Variants in TDP2 observed in about 807,000 individuals in gnomAD.
TDP2 encodes tyrosyl-DNA phosphodiesterase 2, also known as 5'-Tyr-DNA phosphodiesterase.
Under a neutral mutation model 42.8 loss-of-function variants are expected in TDP2, and 38 were observed. That is an observed-to-expected ratio of 0.89 (90% CI 0.68 to 1.16). TDP2 has a LOEUF of 1.16. Ranked by LOEUF, TDP2 falls within the 50% of genes most tolerant of loss-of-function variation. The probability of loss-of-function intolerance (pLI) is 0.00; values close to 1 mark genes in which losing one functional copy is unlikely to be tolerated. For missense variants in TDP2, 439 were observed against 439.3 expected, an observed-to-expected ratio of 1.00 and a Z score of 0.01; for synonymous variants, 173 against 150.6, an observed-to-expected ratio of 1.15 and a Z score of -1.09.
chr6:24,652,877 T>C, intron 6 of TDP2, 106 bp downstream of exon 6: 2 of 1,254,906 alleles, frequency 1.6e-6, no homozygotes, highest in Non-Finnish European at 2.3e-6. Flanking sequence ...TTAAGACATT[T>C]TGAGTGACTA....
At chr6:24,660,793 T>G (rs1290445154) in intron 2 of TDP2, among the ~76,000 whole-genome samples, 3 of 149,428 alleles carry the variant, frequency 2.0e-5, no homozygotes, top group Non-Finnish European at 3.0e-5. Context: ...AGTTTTTCAG[T>G]CTTTGTCTCT....
intron 6 of TDP2, among the ~76,000 whole-genome samples, chr6:24,651,895 A>T (rs1179065215): frequency 6.6e-6 from 1 of 152,128 alleles, no homozygotes; most frequent in Non-Finnish European, 1.5e-5. Context: ...CCATTTTAAC[A>T]ATTTTTAAGT....
At chr6:24,654,191 C>T (rs1438103142) in intron 5 of TDP2, among the ~76,000 whole-genome samples, 1 of 152,104 alleles carries the variant, frequency 6.6e-6, no homozygotes, top group Non-Finnish European at 1.5e-5. Context: ...GGAATGTCAG[C>T]AAACTCAAAT....
intron 4 of TDP2, among the ~76,000 whole-genome samples, chr6:24,656,581 G>A (rs190476358): frequency 2.4e-4 from 36 of 152,138 alleles, no homozygotes; most frequent in African/African-American, 8.0e-4. Flanking sequence ...CAAAGAACAC[G>A]AGGGTTAAAA....
At position 24,666,788 on chromosome 6, in the gene TDP2, C is replaced by T. The variant is rs151213624; in HGVS notation, c.75G>A (p.Arg25=). 4.2e-4 allele frequency: 671 copies of T among 1,614,254 alleles called. 3 individuals are homozygous for T. Among genetic ancestry groups the T allele is most frequent in the South Asian group, 7.1e-4 (65 of 91,090 alleles). The stretch of plus-strand genomic sequence containing the variant: ...AGGCAAACTCCACACACAGAAGTCG[C>T]CGCTTTTTCACCTCAGGCTCGCCCT... ...EEEGEPEVKK[R]RLLCVEFASV... Residue 25 remains arginine (R), a synonymous_variant, in exon 1 of 7, where the codon CGG becomes CGA. Transcript: ENST00000378198.
At chr6:24,654,937 C>T (rs3181234) in intron 4 of TDP2, among the ~76,000 whole-genome samples, 26,068 of 152,118 alleles carry the variant, frequency 0.17, 2,405 homozygotes, top group Middle Eastern at 0.27. Flanking sequence ...ACTCGGGAGG[C>T]TGAATTAGGC....
intron 2 of TDP2, among the ~76,000 whole-genome samples, chr6:24,659,424 G>C (rs1413170180): frequency 6.6e-6 from 1 of 152,142 alleles, no homozygotes; most frequent in Non-Finnish European, 1.5e-5. Flanking sequence ...GTGTGTCATG[G>C]GTGCGTCCTT....
chr6:24,658,867 T>G (rs985499905), intron 2 of TDP2, 133 bp from the exon 3 acceptor site: 3 of 829,596 alleles, frequency 3.6e-6, no homozygotes, highest in Non-Finnish European at 5.6e-6. Context: ...CTTACAGGGT[T>G]AACAAGAATT....
chr6:24,651,178 G>A (rs896627138), intron 6 of TDP2, 109 bp from the exon 7 acceptor site: 2 of 832,196 alleles, frequency 2.4e-6, no homozygotes, highest in East Asian at 2.6e-5. Context: ...AATTATTAAT[G>A]CAGAAATGCA....
Position 24,654,591 on chromosome 6 carries a change from A to G in TDP2, c.518-61T>C, listed in dbSNP as rs1562147372. The G allele has an allele frequency of 3.3e-6, 3 of 916,258 alleles. No individual in the cohort carries two copies. In the East Asian group the frequency reaches 7.5e-5, roughly 23 times the overall value. The allele number at this position is 916,258 out of a possible 1,614,324, so 56.8% of individuals were successfully genotyped here. ...AGGTGAGAGTTATTTTCAGTTTACC[A>G]CAAGTTTGCCTATTGAAGAATTTTA... On this transcript the variant is annotated intron_variant, in intron 4 of 6. Transcript: ENST00000378198.
chr6:24,662,562 T>C (rs1778167590), intron 2 of TDP2, among the ~76,000 whole-genome samples: 1 of 151,986 alleles, frequency 6.6e-6, no homozygotes, highest in African/African-American at 2.4e-5. Context: ...GACTCCACCA[T>C]TACCCTCTAG....
intron 2 of TDP2, among the ~76,000 whole-genome samples, chr6:24,659,662 A>G (rs1290333426): frequency 1.2e-4 from 18 of 152,224 alleles, no homozygotes; most frequent in Admixed American, 1.2e-3. Flanking sequence ...TTTTAAAATC[A>G]TATGTTAAAT....
At chr6:24,651,296 A>C (rs1777971113) in intron 6 of TDP2, among the ~76,000 whole-genome samples, 1 of 152,196 alleles carries the variant, frequency 6.6e-6, no homozygotes, top group Non-Finnish European at 1.5e-5. Context: ...CTTCTGCCAT[A>C]AATAGGTTCC....
chr6:24,659,027 C>A, intron 2 of TDP2: 1 of 255,488 alleles, frequency 3.9e-6, no homozygotes, highest in Non-Finnish European at 7.4e-6. Flanking sequence ...ACATCAGAAT[C>A]ATAAGGCTTT....
At chr6:24,658,841 T>C in intron 2 of TDP2, 107 bp from the exon 3 acceptor site, 1 of 1,141,360 alleles carries the variant, frequency 8.8e-7, no homozygotes, top group East Asian at 2.5e-5. Context: ...AAAAGAGCCC[T>C]AAAAGTGACA....
Position 24,650,588 on chromosome 6 carries a change from A to C in TDP2, c.*200T>G. The C allele has an allele frequency of 1.7e-6, 1 of 594,916 alleles. No individual in the cohort carries two copies. 36.9% of individuals were successfully genotyped at this position (594,916 alleles called of 1,614,324 possible). ...TGTGCCCTTTTTATTAAATGGCCTCACATCCTGAATGCAGGAATGTGTTCG... is the reference window on the plus strand; with the variant it reads ...TGTGCCCTTTTTATTAAATGGCCTCCCATCCTGAATGCAGGAATGTGTTCG... On this transcript the variant is annotated 3_prime_UTR_variant, in exon 7 of 7. Coordinates refer to ENST00000378198, the MANE Select transcript of TDP2 (RefSeq NM_016614.3).
chr6:24,659,328 C>T (rs1173218650), intron 2 of TDP2, among the ~76,000 whole-genome samples: 1 of 152,200 alleles, frequency 6.6e-6, no homozygotes, highest in Admixed American at 6.5e-5. Context: ...TCTGCTGCAA[C>T]CTTTGGTGTC....
At chr6:24,653,880 T>C (rs1477176902) in intron 5 of TDP2, among the ~76,000 whole-genome samples, 1 of 152,246 alleles carries the variant, frequency 6.6e-6, no homozygotes, top group African/African-American at 2.4e-5. Context: ...CTCTTTTTAA[T>C]ATGTATGTCT....
Position 24,650,846 on chromosome 6 carries a change from C to G in TDP2, c.1031G>C (p.Cys344Ser). 6.2e-7 allele frequency: 1 copy of G among 1,614,120 alleles called. No homozygotes were observed. Among genetic ancestry groups the G allele is most frequent in the Non-Finnish European group, 8.5e-7 (1 of 1,179,974 alleles). ...CCAGTGATCACTAGGAAATCTACCA[C>G]AGTCCAGTTTTTCTAATCCAAGAAG... ...LDLLGLEKLDCGRFPSDHWGL... is the reference protein window; with the variant it reads ...LDLLGLEKLDSGRFPSDHWGL... The change falls in exon 7 of 7, where the codon TGT (cysteine) becomes TCT (serine). Residue 344 changes from cysteine to serine, a missense_variant. Transcript: ENST00000378198.
Sources: allele counts gnomAD v4.1 joint callset (sites outside exome capture counted in the v4.1 genomes callset), GRCh38; gene constraint gnomAD v4.1.1; transcripts MANE v1.5; gene names NCBI Gene and HGNC (gene_info 2026-07-23, HGNC 2026-07-21).